NRXN3: variants seen among roughly 807,000 people sequenced by gnomAD.
The protein encoded by NRXN3 is neurexin 3, also known as neurexin III.
Under a neutral mutation model 137.6 loss-of-function variants are expected in NRXN3, and 32 were observed. The observed-to-expected ratio is 0.23, with a 90% CI of 0.18 to 0.31. The LOEUF (loss-of-function observed/expected upper bound fraction) is 0.31, where lower values mean the gene tolerates loss of function less well. Ranked by LOEUF, NRXN3 falls within the 10% of genes least tolerant of loss-of-function variation. The pLI is 1.00. For synonymous variants in NRXN3, 798 were observed against 784.5 expected, an observed-to-expected ratio of 1.02 and a Z score of -0.29; for missense variants, 1,574 against 2,062.5, an observed-to-expected ratio of 0.76 and a Z score of 4.59.
intron 15 of NRXN3, among the ~76,000 whole-genome samples, chr14:78,994,553 G>C (rs192603676): frequency 3.3e-5 from 5 of 152,098 alleles, no homozygotes; most frequent in Non-Finnish European, 7.4e-5. Context: ...GGTGGAGATC[G>C]ATCTTGAAAA....
At chr14:78,423,961 T>C (rs1461067050) in intron 4 of NRXN3, among the ~76,000 whole-genome samples, 1 of 152,144 alleles carries the variant, frequency 6.6e-6, no homozygotes, top group African/African-American at 2.4e-5. Flanking sequence ...CAGGCTAGGG[T>C]CAGAGCATCT....
intron 3 of NRXN3, among the ~76,000 whole-genome samples, chr14:78,292,817 G>A (rs568665880): frequency 2.5e-4 from 38 of 152,140 alleles, no homozygotes; most frequent in Non-Finnish European, 4.6e-4. Context: ...TGGCAGCCCT[G>A]GAATATCAAA....
At chr14:79,029,819 G>C (rs530164598) in intron 15 of NRXN3, among the ~76,000 whole-genome samples, 17 of 151,858 alleles carry the variant, frequency 1.1e-4, no homozygotes, top group South Asian at 2.1e-4. Flanking sequence ...GCAATTGTAT[G>C]GTGCATTATG....
At chr14:78,646,257 A>G in intron 5 of NRXN3, among the ~76,000 whole-genome samples, 1 of 152,342 alleles carries the variant, frequency 6.6e-6, no homozygotes, top group Admixed American at 6.5e-5. Flanking sequence ...TAATAATGAT[A>G]ACAATAATAA....
chr14:79,023,540 CT>C (rs1218176054), intron 15 of NRXN3, among the ~76,000 whole-genome samples: 1 of 152,022 alleles, frequency 6.6e-6, no homozygotes, highest in African/African-American at 2.4e-5. Context: ...CATTCTCACA[CT>C]GCTATAAAGA....
intron 15 of NRXN3, among the ~76,000 whole-genome samples, chr14:79,100,434 T>C (rs1487955242): frequency 1.3e-5 from 2 of 152,244 alleles, no homozygotes; most frequent in African/African-American, 4.8e-5. Flanking sequence ...TTGCTTTTTC[T>C]TGTTGGCACG....
chr14:78,596,051 G>A (rs1167425408), intron 4 of NRXN3, among the ~76,000 whole-genome samples: 1 of 152,146 alleles, frequency 6.6e-6, no homozygotes, highest in East Asian at 1.9e-4. Flanking sequence ...CGACGCACAT[G>A]ACAGTGCCAC....
chr14:78,613,028 T>C (rs2097313268), intron 4 of NRXN3, among the ~76,000 whole-genome samples: 1 of 152,212 alleles, frequency 6.6e-6, no homozygotes. Context: ...GAACCAGAGA[T>C]GATTCCATTT....
In NRXN3 at chr14:79,208,196, C is replaced by T. The variant is rs571420742; in HGVS notation, c.3262+220055C>T. Among the ~76,000 whole-genome samples the T allele has an allele frequency of 9.2e-5, 14 of 152,288 alleles. No individual in the cohort carries two copies. In the South Asian group the frequency reaches 2.7e-3, roughly 29 times the overall value. ...AACCCGCAATTCAAAACAATTTAAA[C>T]TGTTCTGGAGACAAAGCTAACTCTC... On this transcript the variant is annotated intron_variant, in intron 15 of 20. Transcript: ENST00000335750.
At chr14:79,714,131 T>G (rs1169072643) in intron 19 of NRXN3, among the ~76,000 whole-genome samples, 1 of 152,130 alleles carries the variant, frequency 6.6e-6, no homozygotes, top group African/African-American at 2.4e-5. Context: ...CAATATATTG[T>G]AAGAACACAG....
chr14:79,859,292 A>G (rs2099409490), intron 20 of NRXN3, among the ~76,000 whole-genome samples: 1 of 152,090 alleles, frequency 6.6e-6, no homozygotes, highest in African/African-American at 2.4e-5. Context: ...GCAGAACACA[A>G]TTGTTATTGG....
At chr14:78,487,788 T>TAAAG (rs200015393) in intron 4 of NRXN3, among the ~76,000 whole-genome samples, 1 of 133,188 alleles carries the variant, frequency 7.5e-6, no homozygotes, top group Non-Finnish European at 1.6e-5. Flanking sequence ...AATAAATAAA[T>TAAAG]AAAGATAGAT....
At chr14:79,679,054 A>G (rs185526865) in intron 17 of NRXN3, among the ~76,000 whole-genome samples, 1 of 149,502 alleles carries the variant, frequency 6.7e-6, no homozygotes, top group Non-Finnish European at 1.5e-5. Context: ...TTTGGCTTAA[A>G]TTTTTTTTTT....
intron 17 of NRXN3, among the ~76,000 whole-genome samples, chr14:79,669,756 T>C (rs777626313): frequency 2.3e-4 from 35 of 152,012 alleles, no homozygotes; most frequent in Non-Finnish European, 3.8e-4. Flanking sequence ...CCCTGGGAGC[T>C]TGTTAAAAAT....
At chr14:78,675,980 C>T (rs1443634365) in intron 6 of NRXN3, among the ~76,000 whole-genome samples, 1 of 152,048 alleles carries the variant, frequency 6.6e-6, no homozygotes, top group African/African-American at 2.4e-5. Flanking sequence ...TTTGGGGTGC[C>T]ATCACCCATG....
chr14:79,441,529 G>A (rs559480082), intron 15 of NRXN3, among the ~76,000 whole-genome samples: 32 of 151,660 alleles, frequency 2.1e-4, no homozygotes, highest in Non-Finnish European at 3.7e-4. Flanking sequence ...ACAGGCGCCC[G>A]CCACCGCACC....
intron 10 of NRXN3, among the ~76,000 whole-genome samples, chr14:78,847,790 A>G (rs181098588): frequency 3.2e-4 from 49 of 152,206 alleles, no homozygotes; most frequent in African/African-American, 1.2e-3. Context: ...TGAGAGTGCA[A>G]CTACGTTTTG....
intron 15 of NRXN3, among the ~76,000 whole-genome samples, chr14:79,319,554 T>C (rs1252106625): frequency 1.3e-5 from 2 of 152,160 alleles, no homozygotes; most frequent in East Asian, 1.9e-4. Context: ...ATTTGAGATA[T>C]TCGGAGTGAT....
intron 16 of NRXN3, among the ~76,000 whole-genome samples, chr14:79,626,825 T>C (rs1351852817): frequency 2.6e-5 from 4 of 152,218 alleles, no homozygotes; most frequent in Admixed American, 6.5e-5. Context: ...GTATTATTTC[T>C]ATCCCAATCA....
Sources: allele counts gnomAD v4.1 joint callset (sites outside exome capture counted in the v4.1 genomes callset), GRCh38; gene constraint gnomAD v4.1.1; transcripts MANE v1.5; gene names NCBI Gene and HGNC (gene_info 2026-07-23, HGNC 2026-07-21).